IGF2BP2: variants seen among roughly 807,000 people sequenced by gnomAD.
IGF2BP2 encodes the protein insulin like growth factor 2 mRNA binding protein 2, also known as insulin-like growth factor 2 mRNA-binding protein 2.
A neutral mutation model predicts 75.8 loss-of-function variants in IGF2BP2; 17 were observed. That is an observed-to-expected ratio of 0.22 (90% CI 0.15 to 0.34). IGF2BP2 has a LOEUF of 0.34. Ranked by LOEUF, IGF2BP2 falls within the 10% of genes least tolerant of loss-of-function variation. The pLI, the probability that IGF2BP2 is intolerant of heterozygous loss-of-function variation, is 1.00. For missense variants in IGF2BP2, 516 were observed against 772.4 expected (o/e 0.67, Z 3.93); for synonymous variants, 288 against 295.6 (o/e 0.97, Z 0.26).
At chr3:185,671,170 C>T (rs1365357427) in intron 10 of IGF2BP2, among the ~76,000 whole-genome samples, 2 of 152,186 alleles carry the variant, frequency 1.3e-5, no homozygotes, top group Non-Finnish European at 2.9e-5. Context: ...TCAGGCTACT[C>T]AACACACAAG....
intron 2 of IGF2BP2, among the ~76,000 whole-genome samples, chr3:185,792,676 G>A: frequency 6.7e-6 from 1 of 150,012 alleles, no homozygotes; most frequent in Admixed American, 6.7e-5. Flanking sequence ...GTGAGGCAGA[G>A]AATTGTTCGA....
chr3:185,768,808 G>A (rs548233895), intron 2 of IGF2BP2, among the ~76,000 whole-genome samples: 3 of 152,292 alleles, frequency 2.0e-5, no homozygotes, highest in African/African-American at 7.2e-5. Flanking sequence ...GAGGCGGGTG[G>A]ATCACCTGAG....
At chr3:185,798,689 A>C (rs1213472860) in intron 2 of IGF2BP2, among the ~76,000 whole-genome samples, 1 of 152,198 alleles carries the variant, frequency 6.6e-6, no homozygotes, top group Non-Finnish European at 1.5e-5. Flanking sequence ...ACCTGCTTTT[A>C]CGAGGGAGTT....
chr3:185,646,971 G>A lies in IGF2BP2; in HGVS notation c.1707+54C>T, dbSNP rs988797208. The A allele has an allele frequency of 5.2e-6, 7 of 1,355,262 alleles. No individual in the cohort carries two copies. In the African/African-American group the frequency reaches 1.0e-4, roughly 19 times the overall value. The allele number at this position is 1,355,262 out of a possible 1,614,324, so 84.0% of individuals were successfully genotyped here. ...CACCTGACAGGCCACCAGCAGCTTAGCAGAGAATTGAAAAGAGACTTGCAG... is the reference window on the plus strand; with the variant it reads ...CACCTGACAGGCCACCAGCAGCTTAACAGAGAATTGAAAAGAGACTTGCAG... On this transcript the variant is annotated intron_variant, in intron 15 of 15. Coordinates refer to ENST00000382199, the MANE Select transcript of IGF2BP2 (RefSeq NM_006548.6).
intron 10 of IGF2BP2, among the ~76,000 whole-genome samples, chr3:185,660,855 C>G (rs998391640): frequency 6.6e-6 from 1 of 152,166 alleles, no homozygotes; most frequent in African/African-American, 2.4e-5. Context: ...CCTGAAGAAT[C>G]GTTCCTTCAG....
intron 2 of IGF2BP2, among the ~76,000 whole-genome samples, chr3:185,792,537 G>A (rs1184538985): frequency 1.3e-5 from 2 of 151,862 alleles, no homozygotes; most frequent in East Asian, 1.9e-4. Flanking sequence ...AGGCCAAGGC[G>A]GGTGGATCAC....
rs377087395 is a variant in IGF2BP2, at chr3:185,657,405, G to A, written c.1270-3C>T. 39 of 1,605,158 alleles carry A rather than the reference G, an allele frequency of 2.4e-5. No individual in the cohort carries two copies. In the East Asian group the frequency reaches 3.8e-4, roughly 16 times the overall value. ...TTCACAATCTCCTGCTCTGGATACT[G>A]GGAGGGCGAGACAAGAAAGAAGACA... On this transcript the variant is annotated splice_polypyrimidine_tract_variant and splice_region_variant and intron_variant, in intron 11 of 15. Coordinates refer to ENST00000382199, the MANE Select transcript of IGF2BP2 (RefSeq NM_006548.6).
intron 12 of IGF2BP2, among the ~76,000 whole-genome samples, chr3:185,653,170 C>T (rs908389684): frequency 9.2e-5 from 14 of 151,994 alleles, no homozygotes; most frequent in Non-Finnish European, 1.3e-4. Context: ...TCTTGTAACA[C>T]GACTCAAACC....
intron 2 of IGF2BP2, among the ~76,000 whole-genome samples, chr3:185,733,107 C>T (rs1313301145): frequency 2.0e-5 from 3 of 152,212 alleles, no homozygotes; most frequent in African/African-American, 7.2e-5. Flanking sequence ...TAAGACATTT[C>T]ACAGACTAGG....
chr3:185,772,549 A>C (rs1734014953), intron 2 of IGF2BP2, among the ~76,000 whole-genome samples: 1 of 149,816 alleles, frequency 6.7e-6, no homozygotes, highest in African/African-American at 2.5e-5. Flanking sequence ...GATAATCCCT[A>C]TACAACTCCT....
chr3:185,811,830 GTCTCTCTCTCTCTCTCTCTC>G (rs58208457), intron 2 of IGF2BP2, among the ~76,000 whole-genome samples: 10 of 120,694 alleles, frequency 8.3e-5, no homozygotes, highest in South Asian at 2.9e-4. Context: ...AGAGTAGGGT[GTCTCTCTCTCTCTCTCTCTC>G]TCTCTCTCTC....
chr3:185,686,884 G>C (rs1005204931), intron 7 of IGF2BP2, among the ~76,000 whole-genome samples, 173 bp downstream of exon 7: 6 of 151,760 alleles, frequency 4.0e-5, no homozygotes, highest in Non-Finnish European at 4.4e-5. Context: ...AAATGCAAAA[G>C]ATCTACTTCC....
At chr3:185,729,891 T>G (rs1727906013) in intron 2 of IGF2BP2, 1 of 152,232 alleles carries the variant, frequency 6.6e-6, no homozygotes, top group African/African-American at 2.4e-5. Context: ...TATCTTCTCT[T>G]AAGCAAGGCA....
intron 14 of IGF2BP2, 67 bp downstream of exon 14, chr3:185,649,336 G>A (rs77247478): frequency 0.056 from 88,175 of 1,584,108 alleles, 2,759 homozygotes; most frequent in Middle Eastern, 0.069. Context: ...GGAGACTGAG[G>A]GAACTCAGGC....
At chr3:185,796,087 C>T (rs1737333283) in intron 2 of IGF2BP2, among the ~76,000 whole-genome samples, 2 of 152,100 alleles carry the variant, frequency 1.3e-5, no homozygotes, top group African/African-American at 4.8e-5. Flanking sequence ...TATGAATTTC[C>T]ACAGGCAGGG....
intron 2 of IGF2BP2, among the ~76,000 whole-genome samples, chr3:185,714,416 C>T (rs963397144): frequency 2.6e-5 from 4 of 152,122 alleles, no homozygotes; most frequent in South Asian, 4.1e-4. Flanking sequence ...TCACTTTGCA[C>T]GTGTGAGCAT....
intron 2 of IGF2BP2, among the ~76,000 whole-genome samples, chr3:185,774,549 C>T (rs569835686): frequency 1.8e-4 from 27 of 149,708 alleles, no homozygotes; most frequent in African/African-American, 6.2e-4. Flanking sequence ...GAGCTGAGAT[C>T]GCGCCACTGC....
chr3:185,814,823 G>A (rs1330955688), intron 2 of IGF2BP2, among the ~76,000 whole-genome samples: 1 of 152,058 alleles, frequency 6.6e-6, no homozygotes, highest in African/African-American at 2.4e-5. Flanking sequence ...CTTAAGTATT[G>A]TATCAAAAAG....
At chr3:185,721,532 C>T (rs975131136) in intron 2 of IGF2BP2, among the ~76,000 whole-genome samples, 2 of 152,152 alleles carry the variant, frequency 1.3e-5, no homozygotes, top group Admixed American at 1.3e-4. Context: ...TTTTTCTTTT[C>T]TCTTTTTAAT....
Sources: gnomAD v4.1 joint callset for allele counts (sites outside exome capture counted in the v4.1 genomes callset) on GRCh38, gnomAD v4.1.1 for gene constraint, MANE v1.5 for transcripts, NCBI Gene and HGNC (gene_info 2026-07-23, HGNC 2026-07-21) for gene names.